The following PIP5K1B variants were observed in gnomAD, a reference collection of about 807,000 sequenced individuals.
PIP5K1B encodes the protein phosphatidylinositol-4-phosphate 5-kinase type 1 beta.
Under a neutral mutation model 67.0 loss-of-function variants are expected in PIP5K1B, and 42 were observed. The ratio of observed to expected loss-of-function variants is 0.63; its 90% CI spans 0.49 to 0.81. PIP5K1B has a LOEUF of 0.81. Ranked by LOEUF, PIP5K1B falls within the 30% of genes least tolerant of loss-of-function variation. The pLI, the probability that PIP5K1B is intolerant of heterozygous loss-of-function variation, is 0.00. For missense variants in PIP5K1B, 459 were observed against 646.3 expected, an observed-to-expected ratio of 0.71 and a Z score of 3.14; for synonymous variants, 214 against 231.4, an observed-to-expected ratio of 0.92 and a Z score of 0.68.
At chr9:68,966,404 C>G (rs1301096763) in intron 14 of PIP5K1B, 1 of 152,170 alleles carries the variant, frequency 6.6e-6, no homozygotes, top group Non-Finnish European at 1.5e-5. Context: ...TAAACATTAT[C>G]AATGATAAGT....
At chr9:68,792,227 C>T (rs1029163175) in intron 2 of PIP5K1B, among the ~76,000 whole-genome samples, 8 of 151,976 alleles carry the variant, frequency 5.3e-5, no homozygotes, top group African/African-American at 1.9e-4. Flanking sequence ...TTATTTATGT[C>T]CCTAATACAG....
chr9:68,923,928 C>G (rs912645145), intron 12 of PIP5K1B, among the ~76,000 whole-genome samples: 3 of 151,938 alleles, frequency 2.0e-5, no homozygotes, highest in Admixed American at 1.3e-4. Flanking sequence ...AAACTGAAAA[C>G]TTCTCAAGTA....
chr9:68,828,777 G>T (rs1834124108), intron 4 of PIP5K1B, among the ~76,000 whole-genome samples: 1 of 152,184 alleles, frequency 6.6e-6, no homozygotes, highest in Non-Finnish European at 1.5e-5. Flanking sequence ...ACTTCTCTGT[G>T]TAAACCTTTC....
rs71353081 is a variant in PIP5K1B at position 68,754,175 on chromosome 9, C to CTTTTTTTTTTTTTTTTTTT, written c.-86+11530_-86+11531insTTTTTTTTTTTTTTTTTTT. On this transcript the variant is annotated intron_variant, in intron 2 of 15. Transcript: ENST00000265382. ...AGTCTTCTTTTATGTTCCATGATTT[C>CTTTTTTTTTTTTTTTTTTT]TTTTTTTTTTTTGAGACAGAGTCTC... Among the ~76,000 whole-genome samples the CTTTTTTTTTTTTTTTTTTT allele has an allele frequency of 3.7e-3, 373 of 101,010 alleles. 67 individuals carry two copies. Among genetic ancestry groups the CTTTTTTTTTTTTTTTTTTT allele is most frequent in the African/African-American group, 3.9e-3 (95 of 24,400 alleles). 66.3% of individuals were successfully genotyped at this position (101,010 alleles called of 152,430 possible).
intron 8 of PIP5K1B, among the ~76,000 whole-genome samples, chr9:68,907,384 C>T (rs1042016822): frequency 3.3e-5 from 5 of 152,050 alleles, no homozygotes; most frequent in African/African-American, 1.2e-4. Context: ...TGTTGAGCCA[C>T]TCTTGTACCT....
intron 2 of PIP5K1B, among the ~76,000 whole-genome samples, chr9:68,793,709 C>T (rs1482998981): frequency 1.3e-5 from 2 of 151,972 alleles, no homozygotes; most frequent in Non-Finnish European, 2.9e-5. Context: ...GTTTTGCATA[C>T]GTTAAGCAAT....
At position 68,854,843 on chromosome 9, in the gene PIP5K1B, T is replaced by G. The variant is rs914266888; in HGVS notation, c.70-8994T>G. Among the ~76,000 whole-genome samples the G allele has an allele frequency of 7.2e-5, 11 of 152,216 alleles. No homozygotes were observed. In the East Asian group the frequency reaches 1.9e-3, roughly 27 times the overall value. ...CATTTTGGTATATTTCCTTCCTGTC[T>G]TATTTTCCTCCGTGGATATGTACAC... On this transcript the variant is annotated intron_variant, in intron 4 of 15. Coordinates refer to ENST00000265382, the MANE Select transcript of PIP5K1B (RefSeq NM_003558.4).
intron 2 of PIP5K1B, among the ~76,000 whole-genome samples, chr9:68,766,885 T>G (rs1830452761): frequency 6.6e-6 from 1 of 152,210 alleles, no homozygotes; most frequent in Non-Finnish European, 1.5e-5. Flanking sequence ...GAAAATTTAC[T>G]TTATTAAAGT....
intron 2 of PIP5K1B, chr9:68,781,044 A>G (rs373747727): frequency 6.2e-7 from 1 of 1,602,716 alleles, no homozygotes; most frequent in Non-Finnish European, 8.5e-7. Context: ...TCATCCTGAG[A>G]CTTTCTTTTT....
chr9:68,790,748 G>C (rs546715237), intron 2 of PIP5K1B, among the ~76,000 whole-genome samples: 12 of 152,246 alleles, frequency 7.9e-5, no homozygotes, highest in Middle Eastern at 3.4e-3. Flanking sequence ...CTTTGTAAAT[G>C]ATACTGAACT....
At chr9:68,827,878 G>T (rs1834070756) in intron 4 of PIP5K1B, among the ~76,000 whole-genome samples, 1 of 152,146 alleles carries the variant, frequency 6.6e-6, no homozygotes, top group African/African-American at 2.4e-5. Context: ...AAAGAGGATG[G>T]TCTCAATGCA....
intron 2 of PIP5K1B, among the ~76,000 whole-genome samples, chr9:68,748,195 C>T (rs898128364): frequency 6.6e-6 from 1 of 152,180 alleles, no homozygotes; most frequent in Non-Finnish European, 1.5e-5. Context: ...TAAGGTTCAT[C>T]CACGTTGTGA....
At chr9:68,793,804 A>C (rs1157768764) in intron 2 of PIP5K1B, among the ~76,000 whole-genome samples, 4 of 152,218 alleles carry the variant, frequency 2.6e-5, no homozygotes, top group Non-Finnish European at 4.4e-5. Context: ...ACTGAAATAC[A>C]CAATTGTGAG....
intron 1 of PIP5K1B, among the ~76,000 whole-genome samples, chr9:68,722,324 C>T (rs1028613614): frequency 6.6e-6 from 1 of 152,168 alleles, no homozygotes; most frequent in Non-Finnish European, 1.5e-5. Flanking sequence ...CTGGCCTCAG[C>T]CTTCTGAGTA....
chr9:68,857,907 T>C (rs1208869446), intron 4 of PIP5K1B, among the ~76,000 whole-genome samples: 1 of 152,066 alleles, frequency 6.6e-6, no homozygotes, highest in Non-Finnish European at 1.5e-5. Flanking sequence ...ATGGGGAGGC[T>C]GGTCAGCATC....
At chr9:68,884,665 TAAAA>T (rs71353087) in intron 6 of PIP5K1B, among the ~76,000 whole-genome samples, 3 of 133,394 alleles carry the variant, frequency 2.2e-5, no homozygotes, top group African/African-American at 2.9e-5. Flanking sequence ...ACCTTGTCTT[TAAAA>T]AAAAAAAAAA....
chr9:68,822,714 A>T (rs1023491888), intron 4 of PIP5K1B, 31 bp downstream of exon 4: 9 of 1,493,134 alleles, frequency 6.0e-6, no homozygotes, highest in Non-Finnish European at 8.4e-6. Context: ...CTAAAGAGGA[A>T]CACCGTTTTG....
intron 3 of PIP5K1B, among the ~76,000 whole-genome samples, chr9:68,818,958 T>C (rs1363733838): frequency 6.6e-6 from 1 of 152,228 alleles, no homozygotes; most frequent in Non-Finnish European, 1.5e-5. Context: ...CTTCCTTTTA[T>C]GTGTACATGG....
chr9:68,788,465 T>G, intron 2 of PIP5K1B: 1 of 442,414 alleles, frequency 2.3e-6, no homozygotes, highest in Non-Finnish European at 4.1e-6. Flanking sequence ...GAGGAAGATA[T>G]CAGGAAGGTT....
Sources: gnomAD v4.1 joint callset for allele counts (sites outside exome capture counted in the v4.1 genomes callset) on GRCh38, gnomAD v4.1.1 for gene constraint, MANE v1.5 for transcripts, NCBI Gene and HGNC (gene_info 2026-07-23, HGNC 2026-07-21) for gene names.